LNPEP: variants seen among roughly 807,000 people sequenced by gnomAD.
LNPEP encodes the protein leucyl and cystinyl aminopeptidase.
LNPEP carries 64 observed loss-of-function variants against 120.6 expected under a neutral mutation model. The observed-to-expected ratio is 0.53, with a 90% CI of 0.43 to 0.65. The LOEUF is 0.65. Among genes scored for constraint, LNPEP ranks in the 30% least tolerant of loss-of-function variants. The pLI is 0.00. For missense variants in LNPEP, 1,057 were observed against 1,200.0 expected (o/e 0.88, Z 1.76); for synonymous variants, 435 against 425.4 (o/e 1.02, Z -0.28).
intron 1 of LNPEP, among the ~76,000 whole-genome samples, chr5:96,946,030 A>G (rs1477330325): frequency 6.6e-6 from 1 of 152,220 alleles, no homozygotes; most frequent in Non-Finnish European, 1.5e-5. Flanking sequence ...GGCCTCAATG[A>G]TGAAATAAGG....
chr5:96,972,222 A>T (rs1450893324), intron 1 of LNPEP, among the ~76,000 whole-genome samples: 1 of 151,998 alleles, frequency 6.6e-6, no homozygotes, highest in African/African-American at 2.4e-5. Context: ...ACTTAGTGAG[A>T]CTCATCCTTA....
At chr5:96,957,241 T>G (rs1165905162) in intron 1 of LNPEP, among the ~76,000 whole-genome samples, 1 of 152,136 alleles carries the variant, frequency 6.6e-6, no homozygotes, top group Admixed American at 6.5e-5. Flanking sequence ...TGAAGAATGT[T>G]GATATTTTTG....
chr5:96,967,387 C>T (rs1372374996), intron 1 of LNPEP, among the ~76,000 whole-genome samples: 1 of 151,970 alleles, frequency 6.6e-6, no homozygotes, highest in African/African-American at 2.4e-5. Context: ...TCAAGTGATC[C>T]TCCTGCCTCA....
chr5:97,016,902 A>G (rs1025676865), intron 13 of LNPEP, among the ~76,000 whole-genome samples: 7 of 152,156 alleles, frequency 4.6e-5, no homozygotes, highest in East Asian at 3.8e-4. Flanking sequence ...CAGTTCAGCT[A>G]TTGTTGATAG....
At chr5:96,966,660 T>G (rs1302419152) in intron 1 of LNPEP, among the ~76,000 whole-genome samples, 1 of 151,992 alleles carries the variant, frequency 6.6e-6, no homozygotes, top group Non-Finnish European at 1.5e-5. Flanking sequence ...ATAACTGCCC[T>G]GTCTACTTAT....
In LNPEP at chr5:96,979,141, G is replaced by A. The variant is rs779310728; in HGVS notation, c.23G>A (p.Arg8Gln). Residue 8 changes from arginine (R) to glutamine (Q), a missense_variant, in exon 2 of 18, where the codon CGG becomes CAG. Transcript: ENST00000231368. ...TTCTTATGTTTTGGTTTTTTAGATC[G>A]GCTTCAGCTCCCCAGGAATATGATT... MEPFTND[R>Q]LQLPRNMIEN... 28 of 1,587,532 alleles carry A rather than the reference G, an allele frequency of 1.8e-5. No individual in the cohort carries two copies. Among genetic ancestry groups the A allele is most frequent in the African/African-American group, 6.8e-5 (5 of 73,200 alleles).
chr5:97,021,033 C>T (rs1376735255), intron 13 of LNPEP, among the ~76,000 whole-genome samples: 2 of 151,964 alleles, frequency 1.3e-5, no homozygotes, highest in East Asian at 3.9e-4. Context: ...ACCTTAATAC[C>T]GCAAGTATAC....
chr5:96,938,313 C>G (rs1788970023), intron 1 of LNPEP, among the ~76,000 whole-genome samples: 1 of 152,092 alleles, frequency 6.6e-6, no homozygotes, highest in Non-Finnish European at 1.5e-5. Context: ...ATTTATCAAG[C>G]CTGGTATTGG....
chr5:96,944,449 A>G (rs1444926580), intron 1 of LNPEP, among the ~76,000 whole-genome samples: 2 of 151,356 alleles, frequency 1.3e-5, no homozygotes, highest in Admixed American at 1.3e-4. Flanking sequence ...CAATCAATAC[A>G]TGTAAAGTGT....
chr5:96,950,236 T>A (rs1443462177), intron 1 of LNPEP, among the ~76,000 whole-genome samples: 1 of 152,170 alleles, frequency 6.6e-6, no homozygotes, highest in East Asian at 1.9e-4. Context: ...AACATTTACC[T>A]CCTTTCTTCT....
chr5:96,943,855 A>G (rs1367510127), intron 1 of LNPEP, among the ~76,000 whole-genome samples: 15 of 152,214 alleles, frequency 9.9e-5, no homozygotes, highest in Non-Finnish European at 1.5e-5. Context: ...GGCATTCCAC[A>G]TATTTCAAAA....
intron 1 of LNPEP, among the ~76,000 whole-genome samples, chr5:96,937,917 G>T (rs1439898607): frequency 1.3e-5 from 2 of 152,184 alleles, no homozygotes; most frequent in African/African-American, 4.8e-5. Context: ...GTAGGAAATT[G>T]GATTTCTGAT....
intron 15 of LNPEP, among the ~76,000 whole-genome samples, chr5:97,025,513 A>G (rs1185688772): frequency 1.3e-5 from 2 of 152,250 alleles, no homozygotes; most frequent in Non-Finnish European, 2.9e-5. Context: ...AAGAATGCCC[A>G]TGATAAAGAA....
In LNPEP at chr5:96,979,806, A is replaced by G. The variant is rs1790082430; in HGVS notation, c.688A>G (p.Lys230Glu). The G allele has an allele frequency of 6.2e-7, 1 of 1,613,944 alleles. No individual in the cohort carries two copies. The highest frequency in any genetic ancestry group is 1.1e-5 in the South Asian group (1 of 91,086). The change falls in exon 2 of 18, where the codon AAA becomes GAA. Residue 230 changes from lysine to glutamate, a missense_variant. Lys to Glu is a moderately conservative substitution (Grantham distance 56). Transcript: ENST00000231368. The stretch of plus-strand genomic sequence containing the variant: ...TATGTCAGCAGTTTCAAGCCAAGAA[A>G]AACAAGCTGAGATCCTGGAATATGC... ...TFMSAVSSQE[K>E]QAEILEYAYH... is the part of the protein sequence containing the mutation.
At chr5:97,017,317 A>G (rs1193126258) in intron 13 of LNPEP, among the ~76,000 whole-genome samples, 1 of 151,922 alleles carries the variant, frequency 6.6e-6, no homozygotes, top group Non-Finnish European at 1.5e-5. Flanking sequence ...TTTCTATTAA[A>G]TCGTCTGCCT....
chr5:96,948,715 C>A (rs1789251261), intron 1 of LNPEP, among the ~76,000 whole-genome samples: 1 of 152,182 alleles, frequency 6.6e-6, no homozygotes, highest in African/African-American at 2.4e-5. Flanking sequence ...AGACTAGCAT[C>A]CTCTCCAAAA....
intron 16 of LNPEP, among the ~76,000 whole-genome samples, chr5:97,027,152 G>A (rs568380267): frequency 1.3e-5 from 2 of 152,288 alleles, no homozygotes; most frequent in East Asian, 3.9e-4. Flanking sequence ...AGGAGATCGA[G>A]ACCATCCTGG....
chr5:97,013,625 C>G (rs1790991054), intron 11 of LNPEP, 23 bp from the exon 12 acceptor site: 1 of 1,365,100 alleles, frequency 7.3e-7, no homozygotes, highest in Non-Finnish European at 9.7e-7. Flanking sequence ...CTCTCAATCT[C>G]TCATTTTTTT....
chr5:97,018,482 G>A (rs918863801), intron 13 of LNPEP, among the ~76,000 whole-genome samples: 5 of 152,108 alleles, frequency 3.3e-5, no homozygotes, highest in African/African-American at 9.7e-5. Flanking sequence ...AAGGGCAGAA[G>A]ACTTAGTATG....
Sources: gnomAD v4.1 joint callset for allele counts (sites outside exome capture counted in the v4.1 genomes callset) on GRCh38, gnomAD v4.1.1 for gene constraint, MANE v1.5 for transcripts, NCBI Gene and HGNC (gene_info 2026-07-23, HGNC 2026-07-21) for gene names.